Variants in PTDSS1 observed in about 807,000 individuals in gnomAD.
PTDSS1 encodes the protein phosphatidylserine synthase 1.
Under a neutral mutation model 70.5 loss-of-function variants are expected in PTDSS1, and 45 were observed. The observed-to-expected ratio is 0.64, with a 90% CI of 0.50 to 0.82. The LOEUF (loss-of-function observed/expected upper bound fraction) is 0.82, where lower values mean the gene tolerates loss of function less well. PTDSS1 is among the 40% of genes least tolerant of loss of function. The pLI is 0.00. For synonymous variants in PTDSS1, 188 were observed against 203.8 expected (o/e 0.92, Z 0.66); for missense variants, 417 against 586.1 (o/e 0.71, Z 2.98).
intron 2 of PTDSS1, among the ~76,000 whole-genome samples, chr8:96,278,810 A>C (rs13263307): frequency 0.074 from 11,286 of 151,974 alleles, 469 homozygotes; most frequent in African/African-American, 0.083. Flanking sequence ...CCACGCCCCC[A>C]AAACCAGCCC....
At chr8:96,328,619 G>C (rs1811471209) in intron 10 of PTDSS1, among the ~76,000 whole-genome samples, 2 of 152,230 alleles carry the variant, frequency 1.3e-5, no homozygotes, top group African/African-American at 4.8e-5. Context: ...CGCTGCCACT[G>C]TTCCTGCTTC....
intron 4 of PTDSS1, among the ~76,000 whole-genome samples, chr8:96,293,782 C>T (rs1418198858): frequency 6.6e-6 from 1 of 152,200 alleles, no homozygotes; most frequent in Non-Finnish European, 1.5e-5. Context: ...ACAGATCTTA[C>T]CCCTTCCTTA....
At chr8:96,323,665 T>A (rs934057061) in intron 10 of PTDSS1, among the ~76,000 whole-genome samples, 7 of 152,158 alleles carry the variant, frequency 4.6e-5, no homozygotes, top group African/African-American at 1.4e-4. Flanking sequence ...TCTGCCCTCT[T>A]AGAGCTCTGG....
intron 10 of PTDSS1, among the ~76,000 whole-genome samples, chr8:96,325,643 C>T (rs1174264584): frequency 6.6e-6 from 1 of 152,174 alleles, no homozygotes; most frequent in Non-Finnish European, 1.5e-5. Flanking sequence ...CATTTTCTTG[C>T]CATTCTGCCC....
At chr8:96,263,660 G>GAT (rs1442090855) in intron 1 of PTDSS1, among the ~76,000 whole-genome samples, 3 of 152,154 alleles carry the variant, frequency 2.0e-5, no homozygotes, top group African/African-American at 7.2e-5. Flanking sequence ...CATGTGTAGG[G>GAT]ATATATATAT....
chr8:96,311,782 G>T (rs1811215349), intron 9 of PTDSS1, among the ~76,000 whole-genome samples: 1 of 152,192 alleles, frequency 6.6e-6, no homozygotes, highest in Non-Finnish European at 1.5e-5. Flanking sequence ...GCAGGAGGGA[G>T]AATTCACACA....
intron 8 of PTDSS1, among the ~76,000 whole-genome samples, chr8:96,307,510 A>C (rs371814477): frequency 5.3e-5 from 8 of 151,296 alleles, no homozygotes; most frequent in African/African-American, 1.9e-4. Flanking sequence ...CAAATCAAGT[A>C]AGACATGTCC....
At chr8:96,320,386 T>C (rs954123559) in intron 10 of PTDSS1, 41 bp downstream of exon 10, 5 of 1,499,886 alleles carry the variant, frequency 3.3e-6, no homozygotes, top group Non-Finnish European at 4.6e-6. Flanking sequence ...AGCTAAACTC[T>C]CATAGTATCA....
At chr8:96,264,030 A>G (rs922634803) in intron 1 of PTDSS1, among the ~76,000 whole-genome samples, 1 of 152,226 alleles carries the variant, frequency 6.6e-6, no homozygotes, top group South Asian at 2.1e-4. Flanking sequence ...TCTTGCCACT[A>G]TTACTATAAA....
intron 4 of PTDSS1, among the ~76,000 whole-genome samples, chr8:96,293,286 A>C (rs1810932457): frequency 6.6e-6 from 1 of 152,248 alleles, no homozygotes; most frequent in African/African-American, 2.4e-5. Context: ...GAGATGCATA[A>C]AAGAACAACC....
intron 6 of PTDSS1, among the ~76,000 whole-genome samples, chr8:96,301,361 T>A (rs1333279486): frequency 1.3e-5 from 2 of 152,192 alleles, no homozygotes; most frequent in South Asian, 4.1e-4. Flanking sequence ...TCTCAAAGTG[T>A]TGGGATTACA....
intron 8 of PTDSS1, among the ~76,000 whole-genome samples, chr8:96,306,984 C>T (rs1368095862): frequency 6.6e-6 from 1 of 151,782 alleles, no homozygotes; most frequent in African/African-American, 2.4e-5. Flanking sequence ...TTTTCAGACC[C>T]AATTAATTTA....
chr8:96,310,436 A>G (rs1475992239), intron 9 of PTDSS1, among the ~76,000 whole-genome samples: 1 of 151,598 alleles, frequency 6.6e-6, no homozygotes, highest in Non-Finnish European at 1.5e-5. Flanking sequence ...TGCTGGGATT[A>G]CAGGCATGAG....
chr8:96,279,984 G>A (rs944650875), intron 2 of PTDSS1, among the ~76,000 whole-genome samples: 5 of 152,082 alleles, frequency 3.3e-5, no homozygotes, highest in Non-Finnish European at 7.4e-5. Context: ...GGGAGCCTCT[G>A]GCCTGAGGAT....
At chr8:96,326,057 T>C (rs886666830) in intron 10 of PTDSS1, among the ~76,000 whole-genome samples, 4 of 152,114 alleles carry the variant, frequency 2.6e-5, no homozygotes, top group African/African-American at 9.7e-5. Flanking sequence ...TTCAGGACCT[T>C]CATAGTGGGA....
intron 9 of PTDSS1, among the ~76,000 whole-genome samples, chr8:96,309,919 T>C (rs1354404663): frequency 6.6e-6 from 1 of 151,974 alleles, no homozygotes; most frequent in African/African-American, 2.4e-5. Context: ...TCCTATCACT[T>C]TGGGAGCCCG....
chr8:96,305,260 T>C (rs916571314), intron 7 of PTDSS1, among the ~76,000 whole-genome samples: 1 of 152,258 alleles, frequency 6.6e-6, no homozygotes, highest in Non-Finnish European at 1.5e-5. Context: ...GTGTGAGCAC[T>C]GCGCTGGGAT....
At position 96,262,289 on chromosome 8, in the gene PTDSS1, G is replaced by GGGGGT; in HGVS notation, c.179+70_179+71insGGGGT. 2 of 1,070,678 alleles carry GGGGGT rather than the reference G, an allele frequency of 1.9e-6. No individual in the cohort carries two copies. Among genetic ancestry groups the GGGGGT allele is most frequent in the Non-Finnish European group, 2.7e-6 (2 of 734,664 alleles). The allele number at this position is 1,070,678 out of a possible 1,614,324, so 66.3% of individuals were successfully genotyped here. A position where few individuals can be genotyped will look rare whatever the true frequency, so the allele number is the denominator to read the frequency against. On this transcript the variant is annotated intron_variant, in intron 1 of 12. Transcript: ENST00000517309. This position sits in a 1 kb window ranked among gnomAD's most constrained non-coding sequence, Gnocchi z 4.4. ...AAGAGGCGGGAGGGAGGGTGGCGGG[G>GGGGGT]AGGGGGGCCCGGCATGGCTCTGGGT... is the stretch of plus-strand genomic sequence containing the variant.
intron 2 of PTDSS1, among the ~76,000 whole-genome samples, chr8:96,281,225 G>A (rs535482762): frequency 6.6e-6 from 1 of 152,292 alleles, no homozygotes; most frequent in Admixed American, 6.5e-5. Context: ...ACTGCTGTCT[G>A]ACAGTAAAGA....
Sources: allele counts gnomAD v4.1 joint callset (sites outside exome capture counted in the v4.1 genomes callset), GRCh38; gene constraint gnomAD v4.1.1; non-coding constraint Gnocchi (gnomAD v3.1); transcripts MANE v1.5; gene names NCBI Gene and HGNC (gene_info 2026-07-23, HGNC 2026-07-21).